Variants in ZNF367 observed in about 807,000 individuals in gnomAD.
ZNF367 encodes zinc finger protein 367.
In ZNF367, 11 loss-of-function variants were observed where a neutral mutation model predicts 31.8. The ratio of observed to expected loss-of-function variants is 0.35; its 90% CI spans 0.22 to 0.57. ZNF367 has a LOEUF of 0.57. Among genes scored for constraint, ZNF367 ranks in the 20% least tolerant of loss-of-function variants. The probability of loss-of-function intolerance (pLI) is 0.85; values close to 1 mark genes in which losing one functional copy is unlikely to be tolerated. For synonymous variants in ZNF367, 199 were observed against 202.4 expected (o/e 0.98, Z 0.14); for missense variants, 353 against 484.1 (o/e 0.73, Z 2.54).
intron 1 of ZNF367, among the ~76,000 whole-genome samples, chr9:96,413,521 T>C (rs141606123): frequency 3.9e-5 from 6 of 152,232 alleles, no homozygotes; most frequent in Non-Finnish European, 7.4e-5. Flanking sequence ...GGGTGAATAG[T>C]ATCTGAGAAG....
Position 96,386,096 on chromosome 9 carries a change from T to C in ZNF367, c.*2141A>G, listed in dbSNP as rs1213013421. ...AACCATTTTTTAAAACAAAAAGCAG[T>C]CTTAACACACCTCAAATTTTAGATA... On this transcript the variant is annotated 3_prime_UTR_variant, in exon 5 of 5. Coordinates refer to ENST00000375256, the MANE Select transcript of ZNF367 (RefSeq NM_153695.4). 1 of 152,128 alleles carries C rather than the reference T, an allele frequency of 6.6e-6. No homozygotes were observed. Among genetic ancestry groups the C allele is most frequent in the Non-Finnish European group, 1.5e-5 (1 of 67,992 alleles). The allele number at this position is 152,128 out of a possible 1,614,324, so 9.4% of individuals were successfully genotyped here.
At position 96,406,844 on chromosome 9, in the gene ZNF367, T is replaced by C. The variant is rs2145986; in HGVS notation, c.421-8530A>G. On this transcript the variant is annotated intron_variant, in intron 1 of 4. Coordinates refer to ENST00000375256, the MANE Select transcript of ZNF367 (RefSeq NM_153695.4). ...TGAAACCCCATCTCTACTAAAAAAA[T>C]ACAAAAAATTAGCTGGGCGCGGTGG... Among the ~76,000 whole-genome samples, 1,048 of 148,550 alleles carry C rather than the reference T, an allele frequency of 7.1e-3. 14 individuals carry two copies. Among genetic ancestry groups the C allele is most frequent in the African/African-American group, 0.024 (969 of 40,272 alleles).
At chr9:96,395,047 A>G (rs951987796) in intron 2 of ZNF367, 105 bp from the exon 3 acceptor site, 14 of 1,274,054 alleles carry the variant, frequency 1.1e-5, no homozygotes, top group African/African-American at 1.5e-5. Context: ...CCCAATAACA[A>G]TAAAACATGT....
intron 1 of ZNF367, among the ~76,000 whole-genome samples, chr9:96,414,678 A>G (rs547068965): frequency 4.1e-4 from 63 of 152,250 alleles, no homozygotes; most frequent in African/African-American, 1.5e-3. Context: ...GGGTTTCACC[A>G]TGTTGGCCAG....
chr9:96,413,762 C>T (rs145324945), intron 1 of ZNF367, among the ~76,000 whole-genome samples: 14 of 152,182 alleles, frequency 9.2e-5, no homozygotes, highest in Non-Finnish European at 2.1e-4. Flanking sequence ...TTCCCACAGG[C>T]GAGGGAGGCA....
rs894616177 is a variant in ZNF367, at chr9:96,398,406, G to A, written c.421-92C>T. 3 of 1,235,942 alleles carry A rather than the reference G, an allele frequency of 2.4e-6. No homozygotes were observed. In the African/African-American group the frequency reaches 4.6e-5, roughly 19 times the overall value. 76.6% of individuals were successfully genotyped at this position (1,235,942 alleles called of 1,614,324 possible). On this transcript the variant is annotated intron_variant, in intron 1 of 4. Coordinates refer to ENST00000375256, the MANE Select transcript of ZNF367 (RefSeq NM_153695.4). Reference sequence around the variant, plus strand: ...AATATAACTTTCAAAAATCTTTCTTGGGAGCTGGGCGCAGCGGCACACACT... The same window carrying A: ...AATATAACTTTCAAAAATCTTTCTTAGGAGCTGGGCGCAGCGGCACACACT...
chr9:96,387,972 C>A lies in ZNF367; in HGVS notation c.*265G>T. 1 of 370,496 alleles carries A rather than the reference C, an allele frequency of 2.7e-6. No individual in the cohort carries two copies. The highest frequency in any genetic ancestry group is 4.8e-6 in the Non-Finnish European group (1 of 209,470). The allele number at this position is 370,496 out of a possible 1,614,324, so 23.0% of individuals were successfully genotyped here. On this transcript the variant is annotated 3_prime_UTR_variant, in exon 5 of 5. Coordinates refer to ENST00000375256, the MANE Select transcript of ZNF367 (RefSeq NM_153695.4). Reference sequence around the variant, plus strand: ...AATGAATGCATTAAACTTGCAAAATCTAGCTTCCCACAATATGTAGTTTTC... The same window carrying A: ...AATGAATGCATTAAACTTGCAAAATATAGCTTCCCACAATATGTAGTTTTC...
rs555100769 is a variant in ZNF367 at position 96,407,482 on chromosome 9, A to G, written c.421-9168T>C. On this transcript the variant is annotated intron_variant, in intron 1 of 4. Coordinates refer to ENST00000375256, the MANE Select transcript of ZNF367 (RefSeq NM_153695.4). ...AATATAAATGAAAAAAAGACTATCA[A>G]AGATGCATGAAAAGAAAAACACCAA... The G allele has an allele frequency of 3.1e-6, 4 of 1,303,648 alleles. No homozygotes were observed. The African/African-American group carries it at 4.4e-5, about 14-fold the overall frequency. 80.8% of individuals were successfully genotyped at this position (1,303,648 alleles called of 1,614,324 possible).
Position 96,417,438 on chromosome 9 carries a change from C to CCA in ZNF367, c.420+174_420+175insTG, listed in dbSNP as rs1554721847. On this transcript the variant is annotated intron_variant, in intron 1 of 4. Coordinates refer to ENST00000375256, the MANE Select transcript of ZNF367 (RefSeq NM_153695.4). This position sits in a 1 kb window ranked among gnomAD's most constrained non-coding sequence, Gnocchi z 5.0. ...CCGCTCCCGCCTGTCACGTGACAGG[C>CCA]CCCCCCCGACTGGGGCCGGTTTTTG... is the stretch of plus-strand genomic sequence containing the variant. 2.9e-3 allele frequency among the ~76,000 whole-genome samples: 63 copies of CCA among 21,904 alleles called. No individual in the cohort carries two copies. Among genetic ancestry groups the CCA allele is most frequent in the South Asian group, 8.7e-3 (3 of 344 alleles). The allele number at this position is 21,904 out of a possible 152,430, so 14.4% of individuals were successfully genotyped here.
Position 96,408,755 on chromosome 9 carries a change from A to G in ZNF367, c.420+8858T>C, listed in dbSNP as rs533299751. On this transcript the variant is annotated intron_variant, in intron 1 of 4. Transcript: ENST00000375256. ...AAAAATGGTTAAGGTAGAAAATATT[A>G]TCGGGTTTTTGCCACAATTTTTAAA... Among the ~76,000 whole-genome samples, 11 of 152,342 alleles carry G rather than the reference A, an allele frequency of 7.2e-5. 1 individual carries two copies. In the East Asian group the frequency reaches 9.6e-4, roughly 13 times the overall value.
chr9:96,417,935 G>A lies in ZNF367; in HGVS notation c.98C>T (p.Ser33Leu). ...CTTGATCGGGGTCGTCCTGATGACC[G>A]ACACCAGCACCCGCTTCGGGGAGTC... ...CHDSPKRVLV[S>L]VIRTTPIKPT... The change falls in exon 1 of 5, where the codon TCG (serine) becomes TTG (leucine). Residue 33 changes from serine (S) to leucine (L), a missense_variant. Ser to Leu is a moderately radical substitution (Grantham distance 145, BLOSUM62 -2). Around this residue, in one of 5 missense-constraint regions of ZNF367, gnomAD observed 94 missense variants for 86.7 expected, o/e 1.08. Transcript: ENST00000375256. This position sits in a 1 kb window ranked among gnomAD's most constrained non-coding sequence, Gnocchi z 5.0. 6.6e-7 allele frequency: 1 copy of A among 1,508,636 alleles called. No homozygotes were observed. The allele number at this position is 1,508,636 out of a possible 1,614,324, so 93.5% of individuals were successfully genotyped here.
chr9:96,412,368 C>T (rs1168128417), intron 1 of ZNF367, among the ~76,000 whole-genome samples: 1 of 152,132 alleles, frequency 6.6e-6, no homozygotes, highest in Non-Finnish European at 1.5e-5. Context: ...AGTGTTTAGT[C>T]ATGTGATAAC....
chr9:96,405,407 G>A (rs761829493), intron 1 of ZNF367, among the ~76,000 whole-genome samples: 16 of 150,632 alleles, frequency 1.1e-4, no homozygotes, highest in African/African-American at 3.4e-4. Flanking sequence ...TTGCACCAAC[G>A]AGGTTATACT....
chr9:96,390,884 G>GAAAAA (rs34868065), intron 4 of ZNF367, among the ~76,000 whole-genome samples: 229 of 56,302 alleles, frequency 4.1e-3, no homozygotes, highest in Middle Eastern at 0.016. Flanking sequence ...ACCCTGTCTC[G>GAAAAA]AAAAAAAAAA....
rs1418714459 is a variant in ZNF367 at position 96,399,901 on chromosome 9, A to G, written c.421-1587T>C. Among the ~76,000 whole-genome samples, 3 of 152,294 alleles carry G rather than the reference A, an allele frequency of 2.0e-5. No homozygotes were observed. In the East Asian group the frequency reaches 5.8e-4, roughly 29 times the overall value. ...TTAGAGAACAAACACAACAAAGAACACAGAATTTAGAAAGAGTTTAGAACA... is the reference window on the plus strand; with the variant it reads ...TTAGAGAACAAACACAACAAAGAACGCAGAATTTAGAAAGAGTTTAGAACA... On this transcript the variant is annotated intron_variant, in intron 1 of 4. Transcript: ENST00000375256.
chr9:96,400,018 A>T (rs1180697571), intron 1 of ZNF367, among the ~76,000 whole-genome samples: 1 of 152,220 alleles, frequency 6.6e-6, no homozygotes, highest in Non-Finnish European at 1.5e-5. Context: ...CAAAACCTCC[A>T]GTTTTCAACA....
chr9:96,397,310 C>G (rs1005847525), intron 2 of ZNF367, among the ~76,000 whole-genome samples: 9 of 150,590 alleles, frequency 6.0e-5, no homozygotes, highest in Admixed American at 1.3e-4. Flanking sequence ...CAAGGGCCCT[C>G]TATACTTTTT....
At position 96,386,882 on chromosome 9, in the gene ZNF367, A is replaced by G. The variant is rs1831413796; in HGVS notation, c.*1355T>C. On this transcript the variant is annotated 3_prime_UTR_variant, in exon 5 of 5. Transcript: ENST00000375256. ...AAGCTAAAAAGGCACTGAAGAGCCC[A>G]TATTTCCCTCTATTACTCTGAGTTT... 6.6e-6 allele frequency: 1 copy of G among 152,186 alleles called. No homozygotes were observed. The highest frequency in any genetic ancestry group is 1.9e-4 in the East Asian group (1 of 5,196). The allele number at this position is 152,186 out of a possible 1,614,324, so 9.4% of individuals were successfully genotyped here. A position where few individuals can be genotyped will look rare whatever the true frequency, so the allele number is the denominator to read the frequency against.
intron 1 of ZNF367, among the ~76,000 whole-genome samples, chr9:96,409,778 C>A (rs1393586304): frequency 6.6e-6 from 1 of 152,196 alleles, no homozygotes; most frequent in Non-Finnish European, 1.5e-5. Context: ...CAGAGTCAGA[C>A]AGAAGGAGCT....
Sources: gnomAD v4.1 joint callset for allele counts (sites outside exome capture counted in the v4.1 genomes callset) on GRCh38, gnomAD v4.1.1 for gene constraint, gnomAD v4.1.1 regional missense constraint, Gnocchi (gnomAD v3.1) non-coding constraint, MANE v1.5 for transcripts, NCBI Gene and HGNC (gene_info 2026-07-23, HGNC 2026-07-21) for gene names.